RBFOX1: variants seen among roughly 807,000 people sequenced by gnomAD.
The protein encoded by RBFOX1 is RNA binding protein fox-1 homolog 1.
A neutral mutation model predicts 57.7 loss-of-function variants in RBFOX1; 8 were observed. The observed-to-expected ratio is 0.14, with a 90% confidence interval of 0.08 to 0.25. The LOEUF is 0.25. Ranked by LOEUF, RBFOX1 falls within the 10% of genes least tolerant of loss-of-function variation. The probability of loss-of-function intolerance (pLI) is 1.00; values close to 1 mark genes in which losing one functional copy is unlikely to be tolerated. For missense variants in RBFOX1, 611 were observed against 548.5 expected, an observed-to-expected ratio of 1.11 and a Z score of -1.14; for synonymous variants, 326 against 222.4, an observed-to-expected ratio of 1.47 and a Z score of -4.15.
At chr16:7,050,059 C>G (rs559793614) in intron 3 of RBFOX1, among the ~76,000 whole-genome samples, 23 of 152,146 alleles carry the variant, frequency 1.5e-4, no homozygotes, top group Admixed American at 1.4e-3. Flanking sequence ...TTCTCTGTCT[C>G]AATGAATTTT....
At chr16:5,736,498 C>G (rs1365675602) in intron 3 of RBFOX1, among the ~76,000 whole-genome samples, 2 of 152,102 alleles carry the variant, frequency 1.3e-5, no homozygotes, top group African/African-American at 4.8e-5. Context: ...CTCCCTGCTT[C>G]CCAGTGAGAG....
chr16:7,054,905 G>T (rs1409406293), intron 4 of RBFOX1, among the ~76,000 whole-genome samples: 1 of 152,186 alleles, frequency 6.6e-6, no homozygotes, highest in East Asian at 1.9e-4. Flanking sequence ...CCTGGAAATA[G>T]CAGATGATTT....
intron 1 of RBFOX1, among the ~76,000 whole-genome samples, chr16:6,029,729 C>T (rs1030193756): frequency 2.7e-5 from 4 of 147,412 alleles, no homozygotes; most frequent in African/African-American, 7.6e-5. Context: ...GCCGAGATCG[C>T]GCCACTGTAC....
At chr16:6,380,084 G>A (rs2152914408) in intron 2 of RBFOX1, among the ~76,000 whole-genome samples, 1 of 152,222 alleles carries the variant, frequency 6.6e-6, no homozygotes, top group Non-Finnish European at 1.5e-5. Context: ...GAAGAGAGTA[G>A]CATTTATTTT....
At chr16:5,649,958 A>T (rs2049178664) in intron 3 of RBFOX1, among the ~76,000 whole-genome samples, 1 of 152,204 alleles carries the variant, frequency 6.6e-6, no homozygotes, top group Admixed American at 6.5e-5. Flanking sequence ...TCCCGGTGGA[A>T]CACGCGGGGA....
chr16:6,545,724 C>T (rs927822854), intron 2 of RBFOX1, among the ~76,000 whole-genome samples: 1 of 152,170 alleles, frequency 6.6e-6, no homozygotes, highest in African/African-American at 2.4e-5. Flanking sequence ...CTTCAAACTA[C>T]GAAGGGCTTA....
At chr16:7,104,331 T>C (rs1471937297) in intron 4 of RBFOX1, among the ~76,000 whole-genome samples, 2 of 152,140 alleles carry the variant, frequency 1.3e-5, no homozygotes, top group African/African-American at 4.8e-5. Flanking sequence ...TAACTTCTCC[T>C]AAGGGGGACC....
At chr16:7,080,626 G>C (rs2153795954) in intron 4 of RBFOX1, among the ~76,000 whole-genome samples, 1 of 152,134 alleles carries the variant, frequency 6.6e-6, no homozygotes, top group African/African-American at 2.4e-5. Context: ...TGTTCTCTTG[G>C]GGTACACTCA....
chr16:6,509,981 C>T (rs1464364412), intron 2 of RBFOX1, among the ~76,000 whole-genome samples: 2 of 152,110 alleles, frequency 1.3e-5, no homozygotes, highest in African/African-American at 4.8e-5. Context: ...GTTGGCCAAC[C>T]TTAGACAATT....
At chr16:7,635,643 A>G (rs1022516119) in intron 11 of RBFOX1, among the ~76,000 whole-genome samples, 3 of 145,704 alleles carry the variant, frequency 2.1e-5, no homozygotes, top group African/African-American at 8.0e-5. Context: ...TGGACATTAC[A>G]TATATCAATC....
intron 4 of RBFOX1, among the ~76,000 whole-genome samples, chr16:7,064,477 T>G (rs563281339): frequency 1.3e-5 from 2 of 152,036 alleles, no homozygotes; most frequent in African/African-American, 4.8e-5. Flanking sequence ...CTGGGTGGTG[T>G]TCTTATAAGA....
chr16:7,201,065 G>A (rs56080498), intron 4 of RBFOX1, among the ~76,000 whole-genome samples: 14,963 of 152,162 alleles, frequency 0.098, 798 homozygotes, highest in Non-Finnish European at 0.11. Context: ...AGATCAGTGT[G>A]GGAATCACAA....
chr16:7,035,054 G>T (rs142266056), intron 3 of RBFOX1, among the ~76,000 whole-genome samples: 1 of 151,244 alleles, frequency 6.6e-6, no homozygotes, highest in South Asian at 2.1e-4. Context: ...TACATTGTTG[G>T]CCAGGGTGGT....
At chr16:5,673,902 C>T (rs922856139) in intron 3 of RBFOX1, among the ~76,000 whole-genome samples, 1 of 152,230 alleles carries the variant, frequency 6.6e-6, no homozygotes, top group African/African-American at 2.4e-5. Flanking sequence ...CTTTTCTCTT[C>T]TGCATCAAGG....
chr16:5,673,661 C>A (rs1192804497), intron 3 of RBFOX1, among the ~76,000 whole-genome samples: 2 of 152,206 alleles, frequency 1.3e-5, no homozygotes, highest in African/African-American at 4.8e-5. Flanking sequence ...CAGTTCTTTT[C>A]CATCTTTGAC....
Position 7,659,932 on chromosome 16 carries a change from C to T in RBFOX1, c.891-4997C>T, listed in dbSNP as rs371578194. The stretch of plus-strand genomic sequence containing the variant: ...AAAATACGTACAAACAGCACACACA[C>T]ACACCCAAATTCTATACACATGCCA... On this transcript the variant is annotated intron_variant, in intron 12 of 15. Coordinates refer to ENST00000550418, the MANE Select transcript of RBFOX1 (RefSeq NM_018723.4). 2.3e-4 allele frequency among the ~76,000 whole-genome samples: 35 copies of T among 152,226 alleles called. No individual in the cohort carries two copies. The East Asian group carries it at 6.2e-3, about 27-fold the overall frequency.
intron 3 of RBFOX1, among the ~76,000 whole-genome samples, chr16:6,765,693 A>C (rs1327844970): frequency 6.6e-6 from 1 of 152,188 alleles, no homozygotes; most frequent in East Asian, 1.9e-4. Context: ...GCATATATTT[A>C]TCATAACACA....
chr16:6,124,823 T>A (rs2096577499), intron 1 of RBFOX1, among the ~76,000 whole-genome samples: 1 of 152,184 alleles, frequency 6.6e-6, no homozygotes, highest in South Asian at 2.1e-4. Flanking sequence ...TCACCGTGCC[T>A]GGCGCCAATT....
intron 2 of RBFOX1, among the ~76,000 whole-genome samples, chr16:5,593,932 G>A (rs2047096134): frequency 6.6e-6 from 1 of 152,056 alleles, no homozygotes; most frequent in Non-Finnish European, 1.5e-5. Context: ...ACACAACCTT[G>A]GTCCTTGAAG....
Sources: gnomAD v4.1 joint callset for allele counts (sites outside exome capture counted in the v4.1 genomes callset) on GRCh38, gnomAD v4.1.1 for gene constraint, MANE v1.5 for transcripts, NCBI Gene and HGNC (gene_info 2026-07-23, HGNC 2026-07-21) for gene names.